The following DIP2C variants were observed in gnomAD, a reference collection of about 807,000 sequenced individuals.
DIP2C encodes DIP2 acetate--CoA ligase C (putative), also known as disco-interacting protein 2 homolog C.
A neutral mutation model predicts 192.4 loss-of-function variants in DIP2C; 33 were observed. That is an observed-to-expected ratio of 0.17 (90% CI 0.13 to 0.23). The LOEUF (loss-of-function observed/expected upper bound fraction) is 0.23. Ranked by LOEUF, DIP2C falls within the 10% of genes least tolerant of loss-of-function variation. The pLI is 1.00. For synonymous variants in DIP2C, 979 were observed against 864.1 expected (o/e 1.13, Z -2.33); for missense variants, 1,537 against 2,110.1 (o/e 0.73, Z 5.32).
chr10:319,534 A>C (rs988804271), intron 31 of DIP2C, among the ~76,000 whole-genome samples: 1 of 152,276 alleles, frequency 6.6e-6, no homozygotes, highest in Admixed American at 6.5e-5. Flanking sequence ...AATATCTCTA[A>C]ATCTAATGCA....
intron 36 of DIP2C, among the ~76,000 whole-genome samples, chr10:279,427 G>C (rs1042376848): frequency 6.6e-6 from 1 of 152,234 alleles, no homozygotes; most frequent in African/African-American, 2.4e-5. Context: ...CCGAGGGTGT[G>C]CTTGCTCCAC....
In DIP2C at chr10:570,305, G is replaced by T. The variant is rs569804213; in HGVS notation, c.86-83775C>A. Among the ~76,000 whole-genome samples, 34 of 152,264 alleles carry T rather than the reference G, an allele frequency of 2.2e-4. No individual in the cohort carries two copies. The South Asian group carries it at 7.0e-3, about 32-fold the overall frequency. ...TTGTCGTGCCCATTTTATGGATCAG[G>T]AAACAGTTTTAAAGAGGCCAAGCAC... is the stretch of plus-strand genomic sequence containing the variant. On this transcript the variant is annotated intron_variant, in intron 1 of 36. Coordinates refer to ENST00000280886, the MANE Select transcript of DIP2C (RefSeq NM_014974.3).
intron 1 of DIP2C, among the ~76,000 whole-genome samples, chr10:490,472 A>AC (rs1280565173): frequency 6.6e-6 from 1 of 152,168 alleles, no homozygotes; most frequent in Non-Finnish European, 1.5e-5. Context: ...AGCGATGGGA[A>AC]CGTCATCCAA....
At chr10:295,333 G>A (rs1955698157) in intron 32 of DIP2C, among the ~76,000 whole-genome samples, 1 of 151,782 alleles carries the variant, frequency 6.6e-6, no homozygotes, top group Non-Finnish European at 1.5e-5. Context: ...AGGCCGAGGT[G>A]GGTGGATCAC....
chr10:637,227 G>A (rs1854887565), intron 1 of DIP2C, among the ~76,000 whole-genome samples: 2 of 152,090 alleles, frequency 1.3e-5, no homozygotes, highest in South Asian at 2.1e-4. Flanking sequence ...TAGGCTGGGC[G>A]GGGGCTGACA....
At chr10:355,245 C>T (rs541352585) in intron 24 of DIP2C, among the ~76,000 whole-genome samples, 1 of 152,296 alleles carries the variant, frequency 6.6e-6, no homozygotes, top group Non-Finnish European at 1.5e-5. Flanking sequence ...CAGTGAACGA[C>T]CAATGGCTGG....
chr10:634,688 T>C (rs940473485), intron 1 of DIP2C, among the ~76,000 whole-genome samples: 20 of 151,550 alleles, frequency 1.3e-4, no homozygotes, highest in African/African-American at 4.6e-4. Flanking sequence ...GAGGCAGAGA[T>C]TGCAGTGAGC....
intron 1 of DIP2C, among the ~76,000 whole-genome samples, chr10:564,522 G>A (rs185251321): frequency 1.6e-4 from 24 of 152,294 alleles, no homozygotes; most frequent in Middle Eastern, 3.4e-3. Context: ...AGGGCCAAGC[G>A]CAGCAGAGCT....
chr10:566,863 T>C (rs897659412), intron 1 of DIP2C, among the ~76,000 whole-genome samples: 6 of 152,178 alleles, frequency 3.9e-5, no homozygotes, highest in Non-Finnish European at 7.3e-5. Flanking sequence ...AGACATCTCA[T>C]CCACAGCACG....
intron 1 of DIP2C, among the ~76,000 whole-genome samples, chr10:561,184 C>G (rs1474990821): frequency 6.6e-6 from 1 of 152,164 alleles, no homozygotes. Context: ...AGGGCTGTAT[C>G]GTGGGCCATG....
chr10:451,942 C>G (rs189407716), intron 3 of DIP2C, among the ~76,000 whole-genome samples: 1 of 151,926 alleles, frequency 6.6e-6, no homozygotes, highest in East Asian at 1.9e-4. Flanking sequence ...ACTGAGAAAA[C>G]AGTAACAGAA....
At chr10:341,047 CAGG>C in intron 29 of DIP2C, 149 bp downstream of exon 29, 2 of 1,102,820 alleles carry the variant, frequency 1.8e-6, no homozygotes, top group South Asian at 1.3e-5. Flanking sequence ...CCAAGTCCAC[CAGG>C]AGAAGTAGAG....
chr10:326,881 G>A, intron 31 of DIP2C, 125 bp downstream of exon 31: 1 of 1,178,108 alleles, frequency 8.5e-7, no homozygotes, highest in South Asian at 1.6e-5. Flanking sequence ...GCATGCGTGT[G>A]ACTGAAAGAT....
intron 1 of DIP2C, among the ~76,000 whole-genome samples, chr10:514,204 C>A (rs12770258): frequency 1.4e-5 from 2 of 141,382 alleles, no homozygotes; most frequent in Non-Finnish European, 3.0e-5. Flanking sequence ...GAACCACCCC[C>A]CTTCCTTGGG....
chr10:358,009 G>A, intron 22 of DIP2C, 72 bp from the exon 23 acceptor site: 1 of 1,157,890 alleles, frequency 8.6e-7, no homozygotes, highest in African/African-American at 1.5e-5. Context: ...TCCCACTTTG[G>A]TAAAGACCTT....
chr10:392,651 C>A (rs967426193), intron 10 of DIP2C, among the ~76,000 whole-genome samples: 11 of 152,220 alleles, frequency 7.2e-5, no homozygotes, highest in African/African-American at 2.4e-4. Flanking sequence ...AACCATGTCT[C>A]ACCCTACACA....
intron 29 of DIP2C, among the ~76,000 whole-genome samples, chr10:332,189 CA>C (rs1168624960): frequency 2.0e-5 from 3 of 152,200 alleles, no homozygotes; most frequent in Admixed American, 2.0e-4. Flanking sequence ...TAGGTTCAAG[CA>C]ATCCTCCTGC....
At chr10:540,044 G>A (rs536031766) in intron 1 of DIP2C, among the ~76,000 whole-genome samples, 2 of 152,272 alleles carry the variant, frequency 1.3e-5, no homozygotes, top group South Asian at 4.2e-4. Flanking sequence ...CTTGTGTTTG[G>A]CAATAACCAT....
chr10:681,132 C>A (rs1305992816), intron 1 of DIP2C, among the ~76,000 whole-genome samples: 2 of 151,002 alleles, frequency 1.3e-5, no homozygotes, highest in Admixed American at 6.6e-5. Context: ...GGAATGCAGA[C>A]CCTCAGTCCC....
Sources: gnomAD v4.1 joint callset for allele counts (sites outside exome capture counted in the v4.1 genomes callset) on GRCh38, gnomAD v4.1.1 for gene constraint, MANE v1.5 for transcripts, NCBI Gene and HGNC (gene_info 2026-07-23, HGNC 2026-07-21) for gene names.